MAGI2: variants seen among roughly 807,000 people sequenced by gnomAD.
MAGI2 encodes the protein membrane-associated guanylate kinase, WW and PDZ domain-containing protein 2.
Under a neutral mutation model 133.3 loss-of-function variants are expected in MAGI2, and 35 were observed. The ratio of observed to expected loss-of-function variants is 0.26; its 90% CI spans 0.20 to 0.35. The LOEUF is 0.35. Among genes scored for constraint, MAGI2 ranks in the 10% least tolerant of loss-of-function variants. The probability of loss-of-function intolerance (pLI) is 1.00; values close to 1 mark genes in which losing one functional copy is unlikely to be tolerated. For synonymous variants in MAGI2, 729 were observed against 710.6 expected (o/e 1.03, Z -0.41); for missense variants, 1,636 against 1,863.4 (o/e 0.88, Z 2.25).
At chr7:78,355,533 T>G (rs1791985321) in intron 7 of MAGI2, among the ~76,000 whole-genome samples, 2 of 152,218 alleles carry the variant, frequency 1.3e-5, no homozygotes, top group Non-Finnish European at 2.9e-5. Context: ...TGCTTTTAAT[T>G]CACTTGCTCT....
intron 3 of MAGI2, among the ~76,000 whole-genome samples, chr7:78,564,295 A>C (rs919673290): frequency 2.1e-4 from 32 of 152,310 alleles, no homozygotes; most frequent in African/African-American, 7.5e-4. Context: ...TTAATCTGTC[A>C]CCTTGGATCA....
intron 2 of MAGI2, among the ~76,000 whole-genome samples, chr7:78,973,855 C>T (rs750167203): frequency 1.3e-5 from 2 of 151,756 alleles, no homozygotes; most frequent in African/African-American, 2.4e-5. Context: ...GGCCCCTCCT[C>T]ATTTCTTGGG....
At chr7:79,325,579 A>T (rs951005338) in intron 1 of MAGI2, among the ~76,000 whole-genome samples, 1 of 152,160 alleles carries the variant, frequency 6.6e-6, no homozygotes, top group African/African-American at 2.4e-5. Context: ...TCCATATTCT[A>T]AGGGGAGAAA....
intron 2 of MAGI2, among the ~76,000 whole-genome samples, chr7:78,823,577 T>C (rs529914465): frequency 6.5e-4 from 49 of 74,968 alleles, no homozygotes; most frequent in African/African-American, 2.7e-3. Flanking sequence ...CGAGACTCCG[T>C]CTCAAAAAAA....
At chr7:78,282,136 T>C (rs926316908) in intron 9 of MAGI2, among the ~76,000 whole-genome samples, 2 of 152,064 alleles carry the variant, frequency 1.3e-5, no homozygotes, top group African/African-American at 4.8e-5. Context: ...TGTAGTACTA[T>C]TGCTGGTATT....
chr7:79,313,068 A>G (rs1838419775), intron 1 of MAGI2, among the ~76,000 whole-genome samples: 1 of 152,200 alleles, frequency 6.6e-6, no homozygotes, highest in Non-Finnish European at 1.5e-5. Context: ...TCAATCAATT[A>G]TAGACTTCCT....
At chr7:78,682,408 G>A (rs1781556818) in intron 2 of MAGI2, among the ~76,000 whole-genome samples, 1 of 151,972 alleles carries the variant, frequency 6.6e-6, no homozygotes, top group African/African-American at 2.4e-5. Flanking sequence ...AGTGTGTGAT[G>A]CTCCCCTCCC....
chr7:79,015,624 T>C (rs1259325010), intron 1 of MAGI2, among the ~76,000 whole-genome samples: 2 of 152,166 alleles, frequency 1.3e-5, no homozygotes, highest in Non-Finnish European at 2.9e-5. Flanking sequence ...GGGTCATGAT[T>C]TGAACTGCTA....
chr7:79,396,686 A>G (rs1019871171), intron 1 of MAGI2, among the ~76,000 whole-genome samples: 3 of 152,138 alleles, frequency 2.0e-5, no homozygotes, highest in African/African-American at 7.2e-5. Context: ...CTGGATAGGT[A>G]GAAAACTAAA....
Position 78,598,237 on chromosome 7 carries a change from G to GA in MAGI2, c.538+28882dup, listed in dbSNP as rs1262391854. On this transcript the variant is annotated intron_variant, in intron 3 of 21. Coordinates refer to ENST00000354212, the MANE Select transcript of MAGI2 (RefSeq NM_012301.4). ...AGGATTGTATAGTCTAGTGGCCACG[G>GA]AAATAAATAAATGAAAACTTGCAAT... Among the ~76,000 whole-genome samples, 8 of 152,240 alleles carry GA rather than the reference G, an allele frequency of 5.3e-5. No individual in the cohort carries two copies. In the East Asian group the frequency reaches 1.2e-3, roughly 22 times the overall value.
At position 78,964,008 on chromosome 7, in the gene MAGI2, C is replaced by G. The variant is rs893895899; in HGVS notation, c.418+43082G>C. Among the ~76,000 whole-genome samples the G allele has an allele frequency of 5.9e-5, 9 of 152,054 alleles. No individual in the cohort carries two copies. In the East Asian group the frequency reaches 1.8e-3, roughly 30 times the overall value. On this transcript the variant is annotated intron_variant, in intron 2 of 21. Transcript: ENST00000354212. ...GAGGGGAATGAGGGAGGAGGCCCAGCCTCCAAAATCCTAATTTTGCTTGTT... is the reference window on the plus strand; with the variant it reads ...GAGGGGAATGAGGGAGGAGGCCCAGGCTCCAAAATCCTAATTTTGCTTGTT...
At chr7:79,347,782 A>G (rs772184232) in intron 1 of MAGI2, among the ~76,000 whole-genome samples, 5 of 151,966 alleles carry the variant, frequency 3.3e-5, no homozygotes, top group African/African-American at 7.2e-5. Context: ...GATAAAACTT[A>G]AGTACATTAT....
At chr7:79,006,336 A>G (rs1807447213) in intron 2 of MAGI2, among the ~76,000 whole-genome samples, 1 of 152,206 alleles carries the variant, frequency 6.6e-6, no homozygotes, top group African/African-American at 2.4e-5. Context: ...GAGAGTGGAA[A>G]GTGTCTGAAG....
chr7:78,511,025 T>G (rs541610873), intron 4 of MAGI2, among the ~76,000 whole-genome samples: 3 of 152,182 alleles, frequency 2.0e-5, no homozygotes, highest in African/African-American at 4.8e-5. Flanking sequence ...CATGCTTTTG[T>G]GCAAACCCAA....
chr7:79,228,256 T>C (rs1831031485), intron 1 of MAGI2, among the ~76,000 whole-genome samples: 1 of 149,412 alleles, frequency 6.7e-6, no homozygotes, highest in Admixed American at 6.8e-5. Context: ...AGGTTGGGGA[T>C]TGCTGGACCC....
chr7:78,695,307 A>G (rs1036173112), intron 2 of MAGI2, among the ~76,000 whole-genome samples: 1 of 152,252 alleles, frequency 6.6e-6, no homozygotes, highest in African/African-American at 2.4e-5. Context: ...AAATAATCTT[A>G]GCCTGCCTTC....
chr7:79,304,315 T>C (rs1197693198), intron 1 of MAGI2, among the ~76,000 whole-genome samples: 3 of 151,556 alleles, frequency 2.0e-5, no homozygotes, highest in South Asian at 4.2e-4. Flanking sequence ...CACCAAATCA[T>C]ATACAAAGTG....
intron 9 of MAGI2, among the ~76,000 whole-genome samples, chr7:78,308,510 G>A (rs1413450296): frequency 6.6e-6 from 1 of 152,068 alleles, no homozygotes; most frequent in Non-Finnish European, 1.5e-5. Context: ...TCTAGGCCAG[G>A]GTGAGGTCCG....
chr7:79,328,460 A>T (rs1839853829), intron 1 of MAGI2, among the ~76,000 whole-genome samples: 1 of 152,150 alleles, frequency 6.6e-6, no homozygotes, highest in African/African-American at 2.4e-5. Flanking sequence ...ATGCACTAAG[A>T]TTAGGAAGAG....
Sources: allele counts gnomAD v4.1 joint callset (sites outside exome capture counted in the v4.1 genomes callset), GRCh38; gene constraint gnomAD v4.1.1; transcripts MANE v1.5; gene names NCBI Gene and HGNC (gene_info 2026-07-23, HGNC 2026-07-21).